CNTNAP2: variants seen among roughly 807,000 people sequenced by gnomAD.
The protein encoded by CNTNAP2 is contactin associated protein 2.
Under a neutral mutation model 155.2 loss-of-function variants are expected in CNTNAP2, and 98 were observed. The observed-to-expected ratio is 0.63, with a 90% confidence interval of 0.54 to 0.75. The LOEUF (loss-of-function observed/expected upper bound fraction) is 0.75. CNTNAP2 is among the 30% of genes least tolerant of loss of function. The pLI, the probability that CNTNAP2 is intolerant of heterozygous loss-of-function variation, is 0.00. For missense variants in CNTNAP2, 1,727 were observed against 1,688.1 expected (o/e 1.02, Z -0.40); for synonymous variants, 651 against 631.2 (o/e 1.03, Z -0.47).
chr7:146,241,434 T>A (rs908497079), intron 1 of CNTNAP2, among the ~76,000 whole-genome samples: 1 of 152,200 alleles, frequency 6.6e-6, no homozygotes, highest in Admixed American at 6.5e-5. Context: ...AACCATTGTG[T>A]TCACAAGAAC....
chr7:147,378,912 T>A (rs1054584986), intron 9 of CNTNAP2, among the ~76,000 whole-genome samples: 4 of 152,070 alleles, frequency 2.6e-5, no homozygotes, highest in Non-Finnish European at 5.9e-5. Context: ...TCTTGAATTG[T>A]AGTTCCCATA....
intron 1 of CNTNAP2, among the ~76,000 whole-genome samples, chr7:146,286,167 G>C (rs1800333854): frequency 6.7e-6 from 1 of 150,026 alleles, no homozygotes; most frequent in Non-Finnish European, 1.5e-5. Context: ...GGGAGATTTG[G>C]AATCAGACAG....
At chr7:147,112,628 C>A (rs184018447) in intron 5 of CNTNAP2, among the ~76,000 whole-genome samples, 28 of 152,250 alleles carry the variant, frequency 1.8e-4, no homozygotes, top group Non-Finnish European at 2.9e-4. Context: ...CTGAGATAAT[C>A]ATGTGGTTTT....
intron 1 of CNTNAP2, among the ~76,000 whole-genome samples, chr7:146,321,193 A>G (rs1226918555): frequency 6.6e-6 from 1 of 152,230 alleles, no homozygotes; most frequent in African/African-American, 2.4e-5. Flanking sequence ...GAAACCAAAG[A>G]TTAAAAAACA....
At chr7:147,035,947 T>G (rs1445920886) in intron 3 of CNTNAP2, among the ~76,000 whole-genome samples, 1 of 152,212 alleles carries the variant, frequency 6.6e-6, no homozygotes, top group African/African-American at 2.4e-5. Flanking sequence ...TGATAAATTA[T>G]ATTTTCCAAG....
chr7:147,478,546 G>A (rs4725732), intron 10 of CNTNAP2, among the ~76,000 whole-genome samples: 121,419 of 152,212 alleles, frequency 0.8, 49,103 homozygotes, highest in African/African-American at 0.94. Context: ...TAGGTGGCCC[G>A]GGGCTAGTAT....
intron 1 of CNTNAP2, among the ~76,000 whole-genome samples, chr7:146,574,014 G>A (rs576374412): frequency 7.9e-4 from 120 of 152,144 alleles, no homozygotes; most frequent in Middle Eastern, 3.4e-3. Flanking sequence ...TTCTGGATAC[G>A]CCATTTAACA....
chr7:146,941,479 T>C (rs1413769522), intron 3 of CNTNAP2, among the ~76,000 whole-genome samples: 2 of 152,190 alleles, frequency 1.3e-5, no homozygotes, highest in Non-Finnish European at 2.9e-5. Flanking sequence ...ACTAATTTAA[T>C]AGTTTTGTCT....
chr7:146,802,726 T>C (rs1465530521), intron 2 of CNTNAP2, among the ~76,000 whole-genome samples: 1 of 152,144 alleles, frequency 6.6e-6, no homozygotes, highest in East Asian at 1.9e-4. Context: ...GTGAGTCAAT[T>C]AAACCTCTTT....
intron 1 of CNTNAP2, among the ~76,000 whole-genome samples, chr7:146,752,936 T>C (rs942920835): frequency 6.6e-6 from 1 of 152,130 alleles, no homozygotes; most frequent in Admixed American, 6.5e-5. Flanking sequence ...GGTTGAACCT[T>C]AATAATAATT....
intron 9 of CNTNAP2, among the ~76,000 whole-genome samples, chr7:147,304,884 G>A (rs1376057673): frequency 1.3e-5 from 2 of 152,076 alleles, no homozygotes; most frequent in Admixed American, 6.6e-5. Context: ...TCAAAATGCG[G>A]GCAGATTCCA....
At chr7:146,475,014 C>A (rs1444397300) in intron 1 of CNTNAP2, among the ~76,000 whole-genome samples, 1 of 48,070 alleles carries the variant, frequency 2.1e-5, no homozygotes, top group Admixed American at 3.4e-4. Context: ...CGCGCGCGCG[C>A]ACACACACAC....
chr7:146,322,634 C>CTTTTTTTTTTTTTTTTTTTTTTTTTTTTT (rs56287346), intron 1 of CNTNAP2, among the ~76,000 whole-genome samples: 3 of 64,964 alleles, frequency 4.6e-5, no homozygotes, highest in African/African-American at 1.1e-4. Context: ...TGTTCATTCT[C>CTTTTTTTTTTTTTTTTTTTTTTTTTTTTT]TTTTTTTTTT....
intron 4 of CNTNAP2, among the ~76,000 whole-genome samples, chr7:147,091,531 A>G (rs1203128833): frequency 6.6e-6 from 1 of 152,072 alleles, no homozygotes; most frequent in Admixed American, 6.5e-5. Flanking sequence ...GGCTCACTGC[A>G]ACCTCCGCCT....
At chr7:146,695,597 A>C (rs1267146813) in intron 1 of CNTNAP2, among the ~76,000 whole-genome samples, 1 of 151,490 alleles carries the variant, frequency 6.6e-6, no homozygotes, top group African/African-American at 2.4e-5. Context: ...ATTGTTTTTC[A>C]TATTTTTTTT....
At chr7:147,667,770 A>C (rs2116961238) in intron 13 of CNTNAP2, among the ~76,000 whole-genome samples, 1 of 151,742 alleles carries the variant, frequency 6.6e-6, no homozygotes, top group African/African-American at 2.4e-5. Flanking sequence ...TTACCTGAGA[A>C]GGACTTTTAC....
chr7:146,828,850 TA>T (rs1438064244), intron 2 of CNTNAP2, among the ~76,000 whole-genome samples: 1 of 152,100 alleles, frequency 6.6e-6, no homozygotes, highest in Non-Finnish European at 1.5e-5. Context: ...TAAAATAATG[TA>T]AAATAAGGGT....
intron 10 of CNTNAP2, among the ~76,000 whole-genome samples, chr7:147,475,815 G>A (rs1584757167): frequency 6.6e-6 from 1 of 152,116 alleles, no homozygotes; most frequent in Non-Finnish European, 1.5e-5. Flanking sequence ...GAAGAAGGAG[G>A]TCTCACTCTT....
chr7:147,793,214 A>G (rs1455932105), intron 13 of CNTNAP2, among the ~76,000 whole-genome samples: 3 of 152,010 alleles, frequency 2.0e-5, no homozygotes, highest in Non-Finnish European at 4.4e-5. Flanking sequence ...TTATTTTCTT[A>G]CTTTGTTGCT....
Sources: allele counts gnomAD v4.1 joint callset (sites outside exome capture counted in the v4.1 genomes callset), GRCh38; gene constraint gnomAD v4.1.1; transcripts MANE v1.5; gene names NCBI Gene and HGNC (gene_info 2026-07-23, HGNC 2026-07-21).